Variants in KCNIP1 observed in about 807,000 individuals in gnomAD.
KCNIP1 encodes the protein potassium voltage-gated channel interacting protein 1.
KCNIP1 carries 18 observed loss-of-function variants against 33.0 expected under a neutral mutation model. The observed-to-expected ratio is 0.55, with a 90% confidence interval of 0.38 to 0.81. The LOEUF is 0.81. Among genes scored for constraint, KCNIP1 ranks in the 30% least tolerant of loss-of-function variants. KCNIP1 has a pLI of 0.00. For synonymous variants in KCNIP1, 93 were observed against 98.3 expected (o/e 0.95, Z 0.32); for missense variants, 238 against 271.6 (o/e 0.88, Z 0.87).
intron 1 of KCNIP1, among the ~76,000 whole-genome samples, chr5:170,487,749 C>A (rs1361805086): frequency 6.6e-6 from 1 of 152,030 alleles, no homozygotes; most frequent in Non-Finnish European, 1.5e-5. Context: ...AACTCCTGGG[C>A]TCAAGGTATC....
intron 1 of KCNIP1, among the ~76,000 whole-genome samples, chr5:170,583,274 CCTCT>C (rs1414090161): frequency 2.0e-5 from 3 of 152,234 alleles, no homozygotes; most frequent in African/African-American, 7.2e-5. Context: ...TTTATCGCTT[CCTCT>C]CTGTTACCTC....
intron 1 of KCNIP1, among the ~76,000 whole-genome samples, chr5:170,398,263 T>C (rs1404896420): frequency 2.6e-5 from 4 of 152,164 alleles, no homozygotes; most frequent in Non-Finnish European, 5.9e-5. Flanking sequence ...TAAAATTTTA[T>C]TTTTGGTTTA....
At chr5:170,454,823 T>C (rs1178219102) in intron 1 of KCNIP1, among the ~76,000 whole-genome samples, 1 of 152,218 alleles carries the variant, frequency 6.6e-6, no homozygotes, top group Non-Finnish European at 1.5e-5. Flanking sequence ...GTGTATTCAT[T>C]TGATGTTTCT....
At position 170,660,266 on chromosome 5, in the gene KCNIP1, T is replaced by C. The variant is rs542923298; in HGVS notation, c.62-58492T>C. Among the ~76,000 whole-genome samples the C allele has an allele frequency of 3.2e-4, 48 of 152,288 alleles. 1 individual carries two copies. In the South Asian group the frequency reaches 9.3e-3, roughly 30 times the overall value. On this transcript the variant is annotated intron_variant, in intron 1 of 7. Transcript: ENST00000328939. ...AAATTCAATCATGTTTCTCATTGAT[T>C]TCCATTTTGAAATTGGAAGTCTTTG...
At chr5:170,390,071 C>A (rs1265054601) in intron 1 of KCNIP1, among the ~76,000 whole-genome samples, 18 of 152,194 alleles carry the variant, frequency 1.2e-4, no homozygotes. Flanking sequence ...ACAGTCTGCT[C>A]ACCAGGGGCC....
intron 1 of KCNIP1, chr5:170,376,517 T>G (rs1181872674): frequency 1.3e-5 from 2 of 152,118 alleles, no homozygotes; most frequent in Non-Finnish European, 2.9e-5. Flanking sequence ...TCCCTCCTCC[T>G]ACCTCCCGCC....
At chr5:170,556,317 A>G (rs146212249) in intron 1 of KCNIP1, among the ~76,000 whole-genome samples, 1 of 152,300 alleles carries the variant, frequency 6.6e-6, no homozygotes, top group East Asian at 1.9e-4. Context: ...TCCCAAACTC[A>G]AGTTCTTCTT....
chr5:170,467,917 C>CAAAAAAA (rs55671124), intron 1 of KCNIP1, among the ~76,000 whole-genome samples: 2 of 41,946 alleles, frequency 4.8e-5, no homozygotes, highest in African/African-American at 1.7e-4. Context: ...GATTCCATCT[C>CAAAAAAA]AAAAAAAAAA....
chr5:170,583,467 T>C (rs1757872874), intron 1 of KCNIP1, among the ~76,000 whole-genome samples: 2 of 152,134 alleles, frequency 1.3e-5, no homozygotes, highest in South Asian at 4.1e-4. Context: ...GGGAGAAGAT[T>C]AGGCAAGAAT....
chr5:170,540,338 CA>C (rs1166100248), intron 1 of KCNIP1, among the ~76,000 whole-genome samples: 1 of 152,204 alleles, frequency 6.6e-6, no homozygotes, highest in Non-Finnish European at 1.5e-5. Flanking sequence ...GCAAAAGTCT[CA>C]AAAGGTATGT....
At chr5:170,638,345 G>A (rs1035101442) in intron 1 of KCNIP1, among the ~76,000 whole-genome samples, 6 of 152,088 alleles carry the variant, frequency 3.9e-5, no homozygotes, top group African/African-American at 9.7e-5. Flanking sequence ...TGCCTGCATC[G>A]TAGCTCATGG....
chr5:170,374,837 C>A (rs202241516), intron 1 of KCNIP1: 2 of 152,338 alleles, frequency 1.3e-5, no homozygotes, highest in East Asian at 3.9e-4. Context: ...ACAGTTGTGG[C>A]ATTTGCTAGA....
At chr5:170,563,075 A>G (rs545818178) in intron 1 of KCNIP1, among the ~76,000 whole-genome samples, 1 of 152,314 alleles carries the variant, frequency 6.6e-6, no homozygotes, top group Non-Finnish European at 1.5e-5. Context: ...AGTCTTGGAC[A>G]CTGCAGAAGA....
intron 1 of KCNIP1, among the ~76,000 whole-genome samples, chr5:170,611,805 G>A (rs909716386): frequency 6.6e-6 from 1 of 152,226 alleles, no homozygotes; most frequent in Admixed American, 6.5e-5. Context: ...CACAGGCAGT[G>A]GGGCTGGGAA....
At chr5:170,513,689 G>A (rs149591674) in intron 1 of KCNIP1, among the ~76,000 whole-genome samples, 4 of 152,308 alleles carry the variant, frequency 2.6e-5, no homozygotes, top group African/African-American at 9.6e-5. Context: ...CTAGAGACTT[G>A]CCTGCATAAT....
At chr5:170,633,988 G>A (rs1760186548) in intron 1 of KCNIP1, among the ~76,000 whole-genome samples, 1 of 152,146 alleles carries the variant, frequency 6.6e-6, no homozygotes, top group Non-Finnish European at 1.5e-5. Flanking sequence ...TGCGGCTCTG[G>A]CCAGGTTAGT....
chr5:170,652,516 AGGAG>A (rs1333935457), intron 1 of KCNIP1, among the ~76,000 whole-genome samples: 1 of 135,902 alleles, frequency 7.4e-6, no homozygotes, highest in Non-Finnish European at 1.6e-5. Context: ...GAAGGAAGGA[AGGAG>A]AAAAGAAAAA....
intron 1 of KCNIP1, among the ~76,000 whole-genome samples, chr5:170,481,977 A>C (rs542008475): frequency 6.6e-4 from 100 of 152,314 alleles, no homozygotes; most frequent in African/African-American, 2.4e-3. Context: ...AGTAAAGTGA[A>C]TTCTTTAAAT....
intron 1 of KCNIP1, among the ~76,000 whole-genome samples, chr5:170,475,072 C>T (rs1012375975): frequency 2.6e-5 from 4 of 152,154 alleles, no homozygotes; most frequent in Non-Finnish European, 4.4e-5. Context: ...TTACAAACCT[C>T]TAGCTAGCTA....
Sources: allele counts gnomAD v4.1 joint callset (sites outside exome capture counted in the v4.1 genomes callset), GRCh38; gene constraint gnomAD v4.1.1; transcripts MANE v1.5; gene names NCBI Gene and HGNC (gene_info 2026-07-23, HGNC 2026-07-21).